The following VSTM4 variants were observed in gnomAD, a reference collection of about 807,000 sequenced individuals.
VSTM4 encodes V-set and transmembrane domain-containing protein 4.
Under a neutral mutation model 36.4 loss-of-function variants are expected in VSTM4, and 20 were observed. The observed-to-expected ratio is 0.55, with a 90% CI of 0.39 to 0.80. The LOEUF is 0.80. Ranked by LOEUF, VSTM4 falls within the 30% of genes least tolerant of loss-of-function variation. The probability of loss-of-function intolerance (pLI) is 0.00; values close to 1 mark genes in which losing one functional copy is unlikely to be tolerated. For synonymous variants in VSTM4, 182 were observed against 173.9 expected (o/e 1.05, Z -0.37); for missense variants, 392 against 404.5 (o/e 0.97, Z 0.26).
intron 7 of VSTM4, among the ~76,000 whole-genome samples, chr10:49,026,646 G>A (rs549532991): frequency 9.3e-4 from 142 of 152,268 alleles, no homozygotes; most frequent in Non-Finnish European, 1.5e-3. Flanking sequence ...GCTGCCCTCC[G>A]TGTGGAAAAA....
Position 49,036,197 on chromosome 10 carries a change from G to A in VSTM4, c.837+10786C>T, listed in dbSNP as rs371228241. ...TGAAAGCAAATGGCTTCTGTTTTCC[G>A]CACGCCCATCCCTTCTGAAGCCTCA... On this transcript the variant is annotated intron_variant, in intron 7 of 7. Coordinates refer to ENST00000332853, the MANE Select transcript of VSTM4 (RefSeq NM_001031746.5). 2.2e-4 allele frequency among the ~76,000 whole-genome samples: 34 copies of A among 152,170 alleles called. 1 individual carries two copies. Among genetic ancestry groups the A allele is most frequent in the African/African-American group, 6.7e-4 (28 of 41,522 alleles).
At chr10:49,070,706 C>T (rs1405690282) in intron 4 of VSTM4, among the ~76,000 whole-genome samples, 1 of 152,228 alleles carries the variant, frequency 6.6e-6, no homozygotes, top group Non-Finnish European at 1.5e-5. Context: ...GAGCTTGAAT[C>T]TAGGCTCCAA....
chr10:49,102,401 T>G, intron 2 of VSTM4: 1 of 985,308 alleles, frequency 1.0e-6, no homozygotes, highest in South Asian at 4.7e-5. Flanking sequence ...CCCAAAGTGC[T>G]GGGATTACAG....
At position 49,042,946 on chromosome 10, in the gene VSTM4, C is replaced by T. The variant is rs570857773; in HGVS notation, c.837+4037G>A. On this transcript the variant is annotated intron_variant, in intron 7 of 7. Coordinates refer to ENST00000332853, the MANE Select transcript of VSTM4 (RefSeq NM_001031746.5). ...GTGAGTAATAAGCCATGGACAGATT[C>T]TGGGGAGGACATTCCAGGAAGAGGG... 1.4e-4 allele frequency among the ~76,000 whole-genome samples: 22 copies of T among 152,214 alleles called. No individual in the cohort carries two copies. The South Asian group carries it at 4.4e-3, about 30-fold the overall frequency.
At chr10:49,061,847 T>G (rs1187257880) in intron 5 of VSTM4, among the ~76,000 whole-genome samples, 3 of 152,202 alleles carry the variant, frequency 2.0e-5, no homozygotes. Context: ...GAAATTTGAT[T>G]GATGTATTTA....
At chr10:49,024,678 C>T (rs745944228) in intron 7 of VSTM4, among the ~76,000 whole-genome samples, 1 of 152,168 alleles carries the variant, frequency 6.6e-6, no homozygotes, top group Non-Finnish European at 1.5e-5. Flanking sequence ...ATAAAAGGTG[C>T]TGAACATGTG....
rs80231006 is a variant in VSTM4 at position 49,026,999 on chromosome 10, G to A, written c.838-7224C>T. ...GTTTCTGTTTAAGTTGATCCCCTCC[G>A]CATGAAACTCTTGCCTGTCACACAC... is the stretch of plus-strand genomic sequence containing the variant. On this transcript the variant is annotated intron_variant, in intron 7 of 7. Coordinates refer to ENST00000332853, the MANE Select transcript of VSTM4 (RefSeq NM_001031746.5). Among the ~76,000 whole-genome samples the A allele has an allele frequency of 2.6e-4, 39 of 152,144 alleles. No homozygotes were observed. The East Asian group carries it at 7.4e-3, about 29-fold the overall frequency.
At chr10:49,084,985 C>A (rs2131999989) in intron 3 of VSTM4, among the ~76,000 whole-genome samples, 1 of 152,326 alleles carries the variant, frequency 6.6e-6, no homozygotes, top group Non-Finnish European at 1.5e-5. Flanking sequence ...CTGTGACAAC[C>A]AAAGATACAT....
At chr10:49,112,404 G>T (rs1044250380) in intron 1 of VSTM4, among the ~76,000 whole-genome samples, 20 of 152,250 alleles carry the variant, frequency 1.3e-4, no homozygotes, top group African/African-American at 4.8e-4. Context: ...GAGAGCCAGG[G>T]GCTGGCATCT....
At chr10:49,019,862 C>A in intron 7 of VSTM4, 87 bp from the exon 8 acceptor site, 1 of 1,490,214 alleles carries the variant, frequency 6.7e-7, no homozygotes, top group Non-Finnish European at 8.9e-7. Context: ...TATGCATGTT[C>A]ATAGCATTTT....
At chr10:49,029,406 T>C (rs982765164) in intron 7 of VSTM4, among the ~76,000 whole-genome samples, 1 of 152,236 alleles carries the variant, frequency 6.6e-6, no homozygotes, top group Non-Finnish European at 1.5e-5. Context: ...GAATTGGTCC[T>C]TCTGAGAACA....
chr10:49,109,034 T>C (rs1844845094), intron 1 of VSTM4, among the ~76,000 whole-genome samples: 1 of 152,162 alleles, frequency 6.6e-6, no homozygotes. Context: ...CTGGAACCTC[T>C]TTCTGCCAAG....
At chr10:49,097,544 A>G (rs1450604833) in intron 2 of VSTM4, among the ~76,000 whole-genome samples, 3 of 152,196 alleles carry the variant, frequency 2.0e-5, no homozygotes, top group Non-Finnish European at 4.4e-5. Context: ...TAGACATGAG[A>G]GAAACAGGAA....
intron 7 of VSTM4, among the ~76,000 whole-genome samples, chr10:49,037,143 C>T (rs1843443275): frequency 6.6e-6 from 1 of 152,180 alleles, no homozygotes; most frequent in Non-Finnish European, 1.5e-5. Flanking sequence ...TCCTTGTTGA[C>T]AGATAAAACA....
At chr10:49,073,311 C>T (rs7084112) in intron 4 of VSTM4, among the ~76,000 whole-genome samples, 29,669 of 152,110 alleles carry the variant, frequency 0.2, 4,437 homozygotes, top group African/African-American at 0.4. Context: ...TCTGGGAGGA[C>T]GGCTTCTGCT....
intron 2 of VSTM4, among the ~76,000 whole-genome samples, chr10:49,101,097 T>C (rs143792529): frequency 7.1e-4 from 108 of 152,178 alleles, no homozygotes; most frequent in African/African-American, 2.5e-3. Flanking sequence ...GAAAACACTT[T>C]TATAAGCTTG....
intron 3 of VSTM4, among the ~76,000 whole-genome samples, chr10:49,084,812 T>C (rs1844341630): frequency 6.6e-6 from 1 of 152,248 alleles, no homozygotes; most frequent in Non-Finnish European, 1.5e-5. Flanking sequence ...CACTTTATGA[T>C]AATAATTTCT....
At chr10:49,047,192 G>A (rs1843625809) in intron 6 of VSTM4, 148 bp from the exon 7 acceptor site, 6 of 808,630 alleles carry the variant, frequency 7.4e-6, no homozygotes, top group South Asian at 6.5e-5. Flanking sequence ...GTCAGCAAGT[G>A]CCCCTCGGCG....
At chr10:49,044,642 C>A (rs1462759249) in intron 7 of VSTM4, among the ~76,000 whole-genome samples, 1 of 152,116 alleles carries the variant, frequency 6.6e-6, no homozygotes, top group African/African-American at 2.4e-5. Context: ...ATATGTCCTG[C>A]CAGTCTGCAG....
Sources: allele counts gnomAD v4.1 joint callset (sites outside exome capture counted in the v4.1 genomes callset), GRCh38; gene constraint gnomAD v4.1.1; transcripts MANE v1.5; gene names NCBI Gene and HGNC (gene_info 2026-07-23, HGNC 2026-07-21).